The following STAG1 variants were observed in gnomAD, a reference collection of about 807,000 sequenced individuals.
The protein encoded by STAG1 is cohesin subunit SA-1.
Under a neutral mutation model 170.9 loss-of-function variants are expected in STAG1, and 26 were observed. That is an observed-to-expected ratio of 0.15 (90% confidence interval 0.11 to 0.21). The LOEUF is 0.21. Ranked by LOEUF, STAG1 falls within the 10% of genes least tolerant of loss-of-function variation. The pLI is 1.00. For synonymous variants in STAG1, 514 were observed against 497.7 expected (o/e 1.03, Z -0.44); for missense variants, 964 against 1,509.5 (o/e 0.64, Z 5.99).
At chr3:136,419,712 C>G (rs1365500460) in intron 20 of STAG1, among the ~76,000 whole-genome samples, 1 of 149,756 alleles carries the variant, frequency 6.7e-6, no homozygotes, top group Non-Finnish European at 1.5e-5. Context: ...ATCCACCTAT[C>G]TCAACCTCCC....
At chr3:136,376,919 T>C (rs1195291866) in intron 23 of STAG1, among the ~76,000 whole-genome samples, 3 of 151,556 alleles carry the variant, frequency 2.0e-5, no homozygotes, top group Non-Finnish European at 2.9e-5. Context: ...GTCTCCCAAG[T>C]AGCTGGGATT....
At position 136,551,298 on chromosome 3, in the gene STAG1, A is replaced by G. The variant is rs150927297; in HGVS notation, c.395-9103T>C. Among the ~76,000 whole-genome samples, 1,105 of 145,702 alleles carry G rather than the reference A, an allele frequency of 7.6e-3. 16 individuals are homozygous for G. The highest frequency in any genetic ancestry group is 0.028 in the African/African-American group (1,075 of 38,758). On this transcript the variant is annotated intron_variant, in intron 5 of 33. Coordinates refer to ENST00000383202, the MANE Select transcript of STAG1 (RefSeq NM_005862.3). ...GAGCGTGCTCTGTTGCCCAGGCTGG[A>G]GTGCAGTGGCACAATCCTGGCTCAC...
chr3:136,611,961 C>T (rs550320070), intron 3 of STAG1, among the ~76,000 whole-genome samples: 12 of 151,972 alleles, frequency 7.9e-5, no homozygotes, highest in Non-Finnish European at 1.5e-4. Context: ...CATTCTCCTG[C>T]CTCAGCCTCC....
intron 28 of STAG1, among the ~76,000 whole-genome samples, chr3:136,349,940 A>C (rs1936372949): frequency 6.6e-6 from 1 of 152,164 alleles, no homozygotes; most frequent in South Asian, 2.1e-4. Flanking sequence ...AGATCACTTG[A>C]GGACAGCAGT....
chr3:136,626,933 G>A (rs1382057082), intron 2 of STAG1, among the ~76,000 whole-genome samples: 1 of 152,160 alleles, frequency 6.6e-6, no homozygotes, highest in African/African-American at 2.4e-5. Context: ...ATACTACAAT[G>A]CAAATACTAT....
chr3:136,579,644 A>C (rs1937548616), intron 4 of STAG1, among the ~76,000 whole-genome samples: 1 of 152,236 alleles, frequency 6.6e-6, no homozygotes, highest in African/African-American at 2.4e-5. Context: ...AAAACATCAC[A>C]TTCTGGTAAC....
At chr3:136,468,996 A>G (rs2089550212) in intron 12 of STAG1, among the ~76,000 whole-genome samples, 1 of 152,168 alleles carries the variant, frequency 6.6e-6, no homozygotes, top group South Asian at 2.1e-4. Flanking sequence ...TCAAAATAAT[A>G]AGAGCTATTT....
intron 1 of STAG1, among the ~76,000 whole-genome samples, chr3:136,748,921 GGAA>G (rs1254330424): frequency 6.6e-6 from 1 of 152,170 alleles, no homozygotes; most frequent in African/African-American, 2.4e-5. Flanking sequence ...AAAAAGGTGA[GGAA>G]AAGGCAATAT....
chr3:136,653,440 T>C (rs1320391742), intron 1 of STAG1, among the ~76,000 whole-genome samples: 1 of 152,192 alleles, frequency 6.6e-6, no homozygotes, highest in African/African-American at 2.4e-5. Context: ...TCTCCAAAAT[T>C]TATCAATTCA....
intron 22 of STAG1, among the ~76,000 whole-genome samples, chr3:136,380,009 G>A (rs766623863): frequency 1.3e-5 from 2 of 151,444 alleles, no homozygotes; most frequent in East Asian, 1.9e-4. Flanking sequence ...CACATCTTTC[G>A]TTGAGAGCTG....
chr3:136,738,522 G>A (rs1010428972), intron 1 of STAG1, among the ~76,000 whole-genome samples: 46 of 152,038 alleles, frequency 3.0e-4, no homozygotes, highest in African/African-American at 8.7e-4. Context: ...ACGGTGGCAC[G>A]CGCCTGAGGT....
intron 29 of STAG1, among the ~76,000 whole-genome samples, chr3:136,344,533 A>G (rs1353269141): frequency 6.6e-6 from 1 of 152,052 alleles, no homozygotes; most frequent in African/African-American, 2.4e-5. Flanking sequence ...GATGGGTTGA[A>G]AGGTTCACCA....
At chr3:136,604,535 T>C in intron 3 of STAG1, 62 bp from the exon 4 acceptor site, 3 of 1,404,086 alleles carry the variant, frequency 2.1e-6, no homozygotes, top group Admixed American at 2.4e-5. Context: ...TATAAAATGA[T>C]CACTACTATA....
At chr3:136,451,724 C>T (rs1341837707) in intron 14 of STAG1, among the ~76,000 whole-genome samples, 2 of 151,714 alleles carry the variant, frequency 1.3e-5, no homozygotes, top group Admixed American at 1.3e-4. Context: ...GATCGCACCA[C>T]TGTACTCCAG....
Position 136,410,269 on chromosome 3 carries a change from G to A in STAG1, c.2196+7616C>T, listed in dbSNP as rs186664827. On this transcript the variant is annotated intron_variant, in intron 21 of 33. Coordinates refer to ENST00000383202, the MANE Select transcript of STAG1 (RefSeq NM_005862.3). ...ACAAAAATTATCTCGGTGTGGTGGC[G>A]GGCTCCTGTAATCCCAGCTACTTGG... Among the ~76,000 whole-genome samples the A allele has an allele frequency of 5.9e-5, 9 of 151,286 alleles. No individual in the cohort carries two copies. The South Asian group carries it at 1.3e-3, about 21-fold the overall frequency.
intron 22 of STAG1, among the ~76,000 whole-genome samples, chr3:136,393,664 G>C (rs1361620324): frequency 6.8e-6 from 1 of 146,550 alleles, no homozygotes; most frequent in East Asian, 2.0e-4. Context: ...TGTAATCTTA[G>C]GTCACTGCAA....
chr3:136,723,040 T>G (rs1933395336), intron 1 of STAG1, among the ~76,000 whole-genome samples: 1 of 152,218 alleles, frequency 6.6e-6, no homozygotes. Flanking sequence ...CTCCGCTCGC[T>G]ACAACCTCCA....
intron 18 of STAG1, 34 bp downstream of exon 18, chr3:136,422,728 AAACTAT>A: frequency 6.5e-7 from 1 of 1,536,098 alleles, no homozygotes; most frequent in Non-Finnish European, 8.8e-7. Flanking sequence ...TCAGTTAATA[AAACTAT>A]AACAGCTGAA....
rs138811245 is a variant in STAG1 at position 136,646,208 on chromosome 3, A to G, written c.-83-15227T>C. Among the ~76,000 whole-genome samples, 175 of 151,600 alleles carry G rather than the reference A, an allele frequency of 1.2e-3. 1 individual carries two copies. The highest frequency in any genetic ancestry group is 4.0e-3 in the African/African-American group (167 of 41,314). On this transcript the variant is annotated intron_variant, in intron 1 of 33. Coordinates refer to ENST00000383202, the MANE Select transcript of STAG1 (RefSeq NM_005862.3). ...TTACCTAAACCACTTTCTCACAAAC[A>G]CTCCTTCTAGGCTCAAGCAATCCTC...
Sources: allele counts gnomAD v4.1 joint callset (sites outside exome capture counted in the v4.1 genomes callset), GRCh38; gene constraint gnomAD v4.1.1; transcripts MANE v1.5; gene names NCBI Gene and HGNC (gene_info 2026-07-23, HGNC 2026-07-21).